CACNG3: variants seen among roughly 807,000 people sequenced by gnomAD.
CACNG3 encodes the protein calcium voltage-gated channel auxiliary subunit gamma 3.
In CACNG3, 3 loss-of-function variants were observed where a neutral mutation model predicts 28.5. The ratio of observed to expected loss-of-function variants is 0.11; its 90% CI spans 0.05 to 0.27. CACNG3 has a LOEUF of 0.27. Among genes scored for constraint, CACNG3 ranks in the 10% least tolerant of loss-of-function variants. The pLI, the probability that CACNG3 is intolerant of heterozygous loss-of-function variation, is 1.00. For missense variants in CACNG3, 236 were observed against 414.4 expected, an observed-to-expected ratio of 0.57 and a Z score of 3.74; for synonymous variants, 174 against 162.2, an observed-to-expected ratio of 1.07 and a Z score of -0.55.
intron 1 of CACNG3, among the ~76,000 whole-genome samples, chr16:24,320,113 G>A (rs16973528): frequency 0.17 from 26,008 of 152,194 alleles, 2,806 homozygotes; most frequent in African/African-American, 0.29. Flanking sequence ...TAACATAAAT[G>A]TTAAAGCATG....
At chr16:24,346,133 T>G (rs1284880602) in intron 1 of CACNG3, among the ~76,000 whole-genome samples, 1 of 152,198 alleles carries the variant, frequency 6.6e-6, no homozygotes, top group Non-Finnish European at 1.5e-5. Flanking sequence ...GTCTTCATAA[T>G]TAGTGTTTAT....
At chr16:24,327,333 A>G (rs1342495665) in intron 1 of CACNG3, among the ~76,000 whole-genome samples, 1 of 150,268 alleles carries the variant, frequency 6.7e-6, no homozygotes, top group African/African-American at 2.4e-5. Flanking sequence ...GCAAAGTGAG[A>G]GGATCACTTG....
At chr16:24,270,037 G>C (rs773493187) in intron 1 of CACNG3, among the ~76,000 whole-genome samples, 50 of 152,128 alleles carry the variant, frequency 3.3e-4, no homozygotes, top group Non-Finnish European at 6.9e-4. Flanking sequence ...TTTTGGCTAA[G>C]AGTCTATATA....
chr16:24,333,263 AAAG>A (rs1247500124), intron 1 of CACNG3, among the ~76,000 whole-genome samples: 1 of 152,206 alleles, frequency 6.6e-6, no homozygotes, highest in Non-Finnish European at 1.5e-5. Flanking sequence ...GTACATAGTT[AAAG>A]AAGATCAGAA....
intron 1 of CACNG3, among the ~76,000 whole-genome samples, chr16:24,265,439 G>GAA (rs1455226834): frequency 0.015 from 73 of 4,962 alleles, 1 homozygote; most frequent in African/African-American, 0.039. Context: ...AGGAGAGAGA[G>GAA]AGAAAGAAAA....
intron 1 of CACNG3, among the ~76,000 whole-genome samples, chr16:24,334,000 T>C (rs1164383593): frequency 6.6e-6 from 1 of 152,198 alleles, no homozygotes; most frequent in African/African-American, 2.4e-5. Flanking sequence ...GAATCACTGT[T>C]GTAAGGCATC....
At chr16:24,311,255 A>G (rs1899258790) in intron 1 of CACNG3, among the ~76,000 whole-genome samples, 1 of 152,242 alleles carries the variant, frequency 6.6e-6, no homozygotes. Flanking sequence ...TCACGCCTGT[A>G]ATCCCAGCAC....
At chr16:24,319,592 TTTTA>T (rs961525182) in intron 1 of CACNG3, among the ~76,000 whole-genome samples, 12 of 93,066 alleles carry the variant, frequency 1.3e-4, no homozygotes, top group African/African-American at 1.1e-4. Context: ...CATGCCTGGC[TTTTA>T]TTTATTTATT....
chr16:24,353,196 A>C (rs565462575), intron 2 of CACNG3, among the ~76,000 whole-genome samples: 1 of 152,046 alleles, frequency 6.6e-6, no homozygotes, highest in African/African-American at 2.4e-5. Context: ...GTTGGTCTTG[A>C]ACTCCTGACC....
At chr16:24,325,368 T>C (rs1899527376) in intron 1 of CACNG3, among the ~76,000 whole-genome samples, 1 of 152,024 alleles carries the variant, frequency 6.6e-6, no homozygotes, top group Non-Finnish European at 1.5e-5. Flanking sequence ...TAGGGGGACG[T>C]CAGTTAACAT....
intron 1 of CACNG3, among the ~76,000 whole-genome samples, chr16:24,300,906 G>T (rs530789936): frequency 6.6e-6 from 1 of 152,018 alleles, no homozygotes; most frequent in African/African-American, 2.4e-5. Flanking sequence ...AAAATTAGCC[G>T]GATGTGGTGG....
rs1555460249 is a variant in CACNG3 at position 24,312,966 on chromosome 16, A to AGAG, written c.212-33768_212-33767insGAG. Among the ~76,000 whole-genome samples, 7 of 99,080 alleles carry AGAG rather than the reference A, an allele frequency of 7.1e-5. 1 individual carries two copies. The highest frequency in any genetic ancestry group is 1.4e-4 in the African/African-American group (4 of 28,144). The allele number at this position is 99,080 out of a possible 152,430, so 65.0% of individuals were successfully genotyped here. A position where few individuals can be genotyped will look rare whatever the true frequency, so the allele number is the denominator to read the frequency against. On this transcript the variant is annotated intron_variant, in intron 1 of 3. Coordinates refer to ENST00000005284, the MANE Select transcript of CACNG3 (RefSeq NM_006539.4). Reference sequence around the variant, plus strand: ...AAGAAAGAAAGAAAGAGAAAGAAAGAAAAGAAAGAAAGAAATAAAAGAAAG... The same window carrying AGAG: ...AAGAAAGAAAGAAAGAGAAAGAAAGAGAGAAAGAAAGAAAGAAATAAAAGAAAG...
intron 1 of CACNG3, among the ~76,000 whole-genome samples, chr16:24,265,168 G>A (rs1431571564): frequency 6.6e-6 from 1 of 151,798 alleles, no homozygotes; most frequent in Non-Finnish European, 1.5e-5. Context: ...TTAGAGCCCA[G>A]GAGATTGTAG....
intron 1 of CACNG3, among the ~76,000 whole-genome samples, chr16:24,268,543 G>C (rs1307124754): frequency 1.3e-5 from 2 of 152,178 alleles, no homozygotes; most frequent in Non-Finnish European, 2.9e-5. Flanking sequence ...TGCCAATTCT[G>C]ATACCAAATC....
chr16:24,300,708 G>A (rs1199582454), intron 1 of CACNG3, among the ~76,000 whole-genome samples: 2 of 151,816 alleles, frequency 1.3e-5, no homozygotes, highest in East Asian at 3.9e-4. Context: ...AGATCACTTG[G>A]AGTTCAAGAC....
intron 1 of CACNG3, among the ~76,000 whole-genome samples, chr16:24,328,935 G>T (rs1172508599): frequency 1.3e-5 from 2 of 152,098 alleles, no homozygotes; most frequent in Non-Finnish European, 2.9e-5. Flanking sequence ...CCCTTTCGTA[G>T]GCTCACCCCA....
At chr16:24,353,129 C>T (rs1167180840) in intron 2 of CACNG3, among the ~76,000 whole-genome samples, 1 of 152,168 alleles carries the variant, frequency 6.6e-6, no homozygotes, top group Non-Finnish European at 1.5e-5. Flanking sequence ...GTGCCCTCCA[C>T]CATGCCCAGC....
At chr16:24,355,581 T>G (rs142057974) in intron 3 of CACNG3, among the ~76,000 whole-genome samples, 73 of 152,260 alleles carry the variant, frequency 4.8e-4, no homozygotes, top group African/African-American at 1.7e-3. Context: ...AAGTCTCATC[T>G]CTAAAAAATA....
chr16:24,279,107 T>A (rs901134025), intron 1 of CACNG3, among the ~76,000 whole-genome samples: 6 of 152,040 alleles, frequency 3.9e-5, no homozygotes, highest in South Asian at 4.2e-4. Flanking sequence ...ACTGGAGAAG[T>A]AGACAGGGGC....
Sources: allele counts gnomAD v4.1 joint callset (sites outside exome capture counted in the v4.1 genomes callset), GRCh38; gene constraint gnomAD v4.1.1; transcripts MANE v1.5; gene names NCBI Gene and HGNC (gene_info 2026-07-23, HGNC 2026-07-21).